FRMPD3: variants seen among roughly 807,000 people sequenced by gnomAD.
FRMPD3 encodes FERM and PDZ domain containing 3.
Under a neutral mutation model 97.9 loss-of-function variants are expected in FRMPD3, and 42 were observed. That is an observed-to-expected ratio of 0.43 (90% CI 0.34 to 0.55). FRMPD3 has a LOEUF of 0.55. FRMPD3 is among the 20% of genes least tolerant of loss of function. FRMPD3 has a pLI of 0.03. For synonymous variants in FRMPD3, 577 were observed against 581.1 expected (o/e 0.99, Z 0.10); for missense variants, 1,303 against 1,457.7 (o/e 0.89, Z 1.73).
chrX:107,552,696 T>C, intron 6 of FRMPD3, 99 bp from the exon 7 acceptor site: 2 of 956,124 alleles, frequency 2.1e-6, no homozygotes, highest in Non-Finnish European at 2.9e-6. Context: ...AGGACTATAT[T>C]TCTTTTCTTG....
At chrX:107,570,523 G>T (rs763453460) in intron 12 of FRMPD3, among the ~76,000 whole-genome samples, 1 of 111,133 alleles carries the variant, frequency 9.0e-6, no homozygotes, top group East Asian at 2.8e-4. Context: ...GAATTCTGGG[G>T]GGTTGGGGCC....
chrX:107,561,945 T>G (rs1037259812), intron 10 of FRMPD3, among the ~76,000 whole-genome samples: 2 of 112,018 alleles, frequency 1.8e-5, no homozygotes, highest in Non-Finnish European at 3.8e-5. Flanking sequence ...TCAGGCACAG[T>G]CTAATGGGGA....
intron 3 of FRMPD3, among the ~76,000 whole-genome samples, chrX:107,531,325 A>G (rs955839475): frequency 4.2e-5 from 4 of 94,188 alleles, no homozygotes; most frequent in East Asian, 3.5e-4. Flanking sequence ...TCTTTCTCTC[A>G]CTCTCCTTTT....
chrX:107,563,800 C>A (rs1411417026), intron 11 of FRMPD3, among the ~76,000 whole-genome samples: 2 of 112,112 alleles, frequency 1.8e-5, no homozygotes, highest in Non-Finnish European at 3.8e-5. Context: ...CTCCCACAGT[C>A]CCCTACCCTA....
In FRMPD3 at chrX:107,601,284, C is replaced by T; in HGVS notation, c.3245C>T (p.Ala1082Val). The T allele has an allele frequency of 1.7e-6, 2 of 1,208,760 alleles. No homozygotes were observed. The highest frequency in any genetic ancestry group is 2.2e-6 in the Non-Finnish European group (2 of 893,736). ...GGCAAGCAAGCTACAGGGGAGGTGGCAGGCAAAGGCGGGCCAGTGGGTGGT... is the reference window on the plus strand; with the variant it reads ...GGCAAGCAAGCTACAGGGGAGGTGGTAGGCAAAGGCGGGCCAGTGGGTGGT... ...SVGKQATGEV[A>V]GKGGPVGGKP... is the part of the protein sequence containing the mutation. The change falls in exon 15 of 15, where the codon GCA (alanine) becomes GTA (valine). Residue 1082 changes from alanine to valine, a missense_variant. Ala to Val is a moderately conservative substitution (Grantham distance 64, BLOSUM62 0). Around this residue, in one of 3 missense-constraint regions of FRMPD3, gnomAD observed 764 missense variants for 820.2 expected, o/e 0.93. Transcript: ENST00000683843.
intron 1 of FRMPD3, among the ~76,000 whole-genome samples, chrX:107,459,880 T>TACAC (rs1931436467): frequency 5.4e-5 from 3 of 55,693 alleles, no homozygotes; most frequent in South Asian, 2.1e-3. Context: ...CACGCAAGCA[T>TACAC]ACATACACAC....
At chrX:107,549,995 CCTA>C (rs775364011) in intron 5 of FRMPD3, 51 bp from the exon 6 acceptor site, 535 of 800,253 alleles carry the variant, frequency 6.7e-4, no homozygotes, top group Non-Finnish European at 9.2e-4. Flanking sequence ...CCTCTGGCTT[CCTA>C]CTTCCTTCTA....
intron 12 of FRMPD3, among the ~76,000 whole-genome samples, chrX:107,574,814 T>A (rs542487771): frequency 8.9e-6 from 1 of 112,169 alleles, no homozygotes; most frequent in South Asian, 3.7e-4. Flanking sequence ...TCCTCATTGG[T>A]CAGAGAAGGG....
At chrX:107,567,616 C>A (rs1307203549) in intron 12 of FRMPD3, among the ~76,000 whole-genome samples, 1 of 111,447 alleles carries the variant, frequency 9.0e-6, no homozygotes, top group Admixed American at 9.5e-5. Flanking sequence ...GGTCGATAAG[C>A]ATAGTTGCTT....
In FRMPD3 at chrX:107,550,140, G is replaced by A. The variant is rs1000157004; in HGVS notation, c.494G>A (p.Gly165Asp). The change falls in exon 6 of 15, where the codon GGT becomes GAT. Residue 165 changes from glycine (G) to aspartate (D), a missense_variant. Physicochemically the swap from Gly to Asp is moderately conservative, Grantham distance 94. This residue lies in a region of FRMPD3 where 535 missense variants were observed against 618.6 expected (regional missense o/e 0.86). Transcript: ENST00000683843. Reference sequence around the variant, plus strand: ...CAGATCAAGTCATTCACATTTGATGGTCGGACCACTGTTAAGGTACATACA... The same window carrying A: ...CAGATCAAGTCATTCACATTTGATGATCGGACCACTGTTAAGGTACATACA... The part of the protein sequence containing the change: ...NGQIKSFTFD[G>D]RTTVKDVMLT... The A allele has an allele frequency of 1.7e-6, 2 of 1,186,872 alleles. No individual in the cohort carries two copies. The highest frequency in any genetic ancestry group is 3.5e-5 in the African/African-American group (2 of 56,705).
Position 107,518,504 on chromosome X carries a change from T to C in FRMPD3, c.-7-8078T>C. Among the ~76,000 whole-genome samples the C allele has an allele frequency of 2.7e-5, 3 of 111,612 alleles. 1 individual carries two copies. In the Middle Eastern group the frequency reaches 0.014, roughly 517 times the overall value. On this transcript the variant is annotated intron_variant, in intron 1 of 14. Coordinates refer to ENST00000683843, the MANE Select transcript of FRMPD3 (RefSeq NM_001388459.1). ...ACCCTGTGAATGTTGAATTCACCAA[T>C]AATGATATCAAGAGTTGGAGTGGAC... is the stretch of plus-strand genomic sequence containing the variant.
Position 107,587,488 on chromosome X carries a change from C to G in FRMPD3, c.1442-9833C>G, listed in dbSNP as rs192553527. Reference sequence around the variant, plus strand: ...TTGTTATGTGTGAATTTGATCCTGTCATCATGATGCTATCTGGTTATGTTG... The same window carrying G: ...TTGTTATGTGTGAATTTGATCCTGTGATCATGATGCTATCTGGTTATGTTG... On this transcript the variant is annotated intron_variant, in intron 13 of 14. Transcript: ENST00000683843. 8.1e-5 allele frequency among the ~76,000 whole-genome samples: 9 copies of G among 111,637 alleles called. No homozygotes were observed. The East Asian group carries it at 2.5e-3, about 31-fold the overall frequency.
intron 1 of FRMPD3, among the ~76,000 whole-genome samples, chrX:107,488,304 T>A (rs991532329): frequency 6.2e-5 from 7 of 112,266 alleles, no homozygotes; most frequent in African/African-American, 2.3e-4. Flanking sequence ...TCATTATGTC[T>A]CCACTTGCTC....
chrX:107,542,526 C>T (rs1921361149), intron 4 of FRMPD3, among the ~76,000 whole-genome samples: 2 of 111,830 alleles, frequency 1.8e-5, no homozygotes, highest in African/African-American at 6.5e-5. Context: ...CCCAGCATTT[C>T]TACTATGCAG....
chrX:107,511,404 C>A (rs936521019), intron 1 of FRMPD3, among the ~76,000 whole-genome samples: 39 of 112,727 alleles, frequency 3.5e-4, no homozygotes, highest in Non-Finnish European at 1.1e-4. Flanking sequence ...CTTCCCCCTG[C>A]TGCTTCTGGA....
intron 1 of FRMPD3, among the ~76,000 whole-genome samples, chrX:107,484,946 A>C (rs1037720753): frequency 8.9e-6 from 1 of 112,427 alleles, no homozygotes; most frequent in African/African-American, 3.2e-5. Context: ...AACCTCCCAG[A>C]GGTGGGTGTC....
chrX:107,546,545 A>G (rs886094138), intron 5 of FRMPD3, among the ~76,000 whole-genome samples: 8 of 112,448 alleles, frequency 7.1e-5, no homozygotes, highest in Non-Finnish European at 1.5e-4. Flanking sequence ...TTGGCCAGCC[A>G]CAGTGTTTCT....
chrX:107,458,451 G>T (rs1931413900), intron 1 of FRMPD3, among the ~76,000 whole-genome samples: 1 of 112,017 alleles, frequency 8.9e-6, no homozygotes, highest in Admixed American at 9.4e-5. Flanking sequence ...CCCAGAAGAA[G>T]TTGAACCTGC....
chrX:107,506,150 C>A (rs901762422), intron 1 of FRMPD3, among the ~76,000 whole-genome samples: 7 of 112,036 alleles, frequency 6.2e-5, no homozygotes, highest in Non-Finnish European at 1.1e-4. Flanking sequence ...TTCTGTCTCC[C>A]ATAGCGTCTG....
Sources: allele counts gnomAD v4.1 joint callset (sites outside exome capture counted in the v4.1 genomes callset), GRCh38; gene constraint gnomAD v4.1.1; regional missense constraint gnomAD v4.1.1; transcripts MANE v1.5; gene names NCBI Gene and HGNC (gene_info 2026-07-23, HGNC 2026-07-21).